The following FAM135A variants were observed in gnomAD, a reference collection of about 807,000 sequenced individuals.
FAM135A encodes protein FAM135A.
Under a neutral mutation model 146.8 loss-of-function variants are expected in FAM135A, and 79 were observed. The ratio of observed to expected loss-of-function variants is 0.54; its 90% CI spans 0.45 to 0.65. The LOEUF (loss-of-function observed/expected upper bound fraction) is 0.65. FAM135A is among the 30% of genes least tolerant of loss of function. The pLI, the probability that FAM135A is intolerant of heterozygous loss-of-function variation, is 0.00. For synonymous variants in FAM135A, 562 were observed against 603.6 expected (o/e 0.93, Z 1.01); for missense variants, 1,623 against 1,758.2 (o/e 0.92, Z 1.38).
chr6:70,480,909 G>T lies in FAM135A; in HGVS notation c.551G>T (p.Arg184Leu), dbSNP rs774736908. The T allele has an allele frequency of 6.2e-6, 10 of 1,608,530 alleles. No individual in the cohort carries two copies. The highest frequency in any genetic ancestry group is 1.7e-4 in the Middle Eastern group (1 of 6,046). The change falls in exon 9 of 22, where the codon CGC becomes CTC. Residue 184 changes from arginine (R) to leucine (L), a missense_variant. Coordinates refer to ENST00000418814, the MANE Select transcript of FAM135A (RefSeq NM_001162529.3). ...ALHQPLISFP[R>L]PVKTTWLNRN... ...AATACTTCTTCCTCCAGCTTTCCTC[G>T]CCCTGTGAAGACAACTTGGTTAAAT...
At position 70,520,305 on chromosome 6, in the gene FAM135A, G is replaced by A. The variant is rs1348704025; in HGVS notation, c.1030-2208G>A. 2.0e-5 allele frequency among the ~76,000 whole-genome samples: 3 copies of A among 152,024 alleles called. No individual in the cohort carries two copies. In the East Asian group the frequency reaches 5.8e-4, roughly 29 times the overall value. On this transcript the variant is annotated intron_variant, in intron 12 of 21. Coordinates refer to ENST00000418814, the MANE Select transcript of FAM135A (RefSeq NM_001162529.3). ...TAATTTTGCTATGAGTTAGTGCAAG[G>A]ACGTAAAAAACATTTGTTCAGTAAA...
intron 12 of FAM135A, among the ~76,000 whole-genome samples, chr6:70,512,528 C>T (rs1327201367): frequency 4.0e-5 from 6 of 151,530 alleles, no homozygotes; most frequent in African/African-American, 9.7e-5. Context: ...TGTTTGGTGT[C>T]GTCAGTCTTT....
intron 20 of FAM135A, among the ~76,000 whole-genome samples, chr6:70,542,554 G>C (rs1483988860): frequency 6.6e-6 from 1 of 152,046 alleles, no homozygotes; most frequent in Non-Finnish European, 1.5e-5. Flanking sequence ...GGTTTTTTGA[G>C]ACAGGGTCTC....
At chr6:70,467,910 C>T (rs536398636) in intron 5 of FAM135A, among the ~76,000 whole-genome samples, 57 of 151,824 alleles carry the variant, frequency 3.8e-4, no homozygotes, top group Non-Finnish European at 6.9e-4. Context: ...TTGTTTTAGT[C>T]TCTAACTTAA....
chr6:70,542,083 G>A (rs1398082142), intron 20 of FAM135A, among the ~76,000 whole-genome samples: 2 of 152,104 alleles, frequency 1.3e-5, no homozygotes, highest in African/African-American at 2.4e-5. Flanking sequence ...TGATCATCCA[G>A]TGAAGCCATA....
At chr6:70,499,574 G>A (rs753253230) in intron 11 of FAM135A, among the ~76,000 whole-genome samples, 1 of 152,072 alleles carries the variant, frequency 6.6e-6, no homozygotes, top group Non-Finnish European at 1.5e-5. Context: ...TCTTCATAGT[G>A]TCATTGGTCT....
chr6:70,455,983 C>T (rs1332567863), intron 5 of FAM135A, among the ~76,000 whole-genome samples: 1 of 152,156 alleles, frequency 6.6e-6, no homozygotes, highest in Non-Finnish European at 1.5e-5. Flanking sequence ...TCCCAAGTAG[C>T]TGGGACTACA....
intron 2 of FAM135A, chr6:70,417,525 A>T (rs1322865811): frequency 1.2e-6 from 1 of 831,326 alleles, no homozygotes; most frequent in Non-Finnish European, 1.5e-6. Context: ...AGTCTGGGAC[A>T]TTTCTGTTAA....
At chr6:70,425,996 G>A (rs900752517) in intron 2 of FAM135A, among the ~76,000 whole-genome samples, 1 of 151,940 alleles carries the variant, frequency 6.6e-6, no homozygotes. Flanking sequence ...CCAGCTACTC[G>A]GGAGGCTGAG....
At position 70,509,268 on chromosome 6, in the gene FAM135A, T is replaced by C. The variant is rs575367775; in HGVS notation, c.1029+6477T>C. On this transcript the variant is annotated intron_variant, in intron 12 of 21. Coordinates refer to ENST00000418814, the MANE Select transcript of FAM135A (RefSeq NM_001162529.3). ...GGGCAACATAGTGAGATCTTGTCTC[T>C]ATTAAAAAAAAAATTATGTCTTTCC... 2.6e-5 allele frequency among the ~76,000 whole-genome samples: 4 copies of C among 152,144 alleles called. No homozygotes were observed. In the East Asian group the frequency reaches 7.7e-4, roughly 29 times the overall value.
At chr6:70,448,803 T>C (rs1469031364) in intron 4 of FAM135A, among the ~76,000 whole-genome samples, 2 of 152,236 alleles carry the variant, frequency 1.3e-5, no homozygotes, top group Non-Finnish European at 2.9e-5. Context: ...TGGGTTTGGC[T>C]AGTTATCTGC....
chr6:70,440,686 A>C (rs1227895769), intron 4 of FAM135A, among the ~76,000 whole-genome samples: 1 of 152,196 alleles, frequency 6.6e-6, no homozygotes, highest in Non-Finnish European at 1.5e-5. Flanking sequence ...TTTTTTGTAC[A>C]TATAAAAAAT....
At chr6:70,487,743 A>G (rs1051684014) in intron 10 of FAM135A, among the ~76,000 whole-genome samples, 3 of 152,168 alleles carry the variant, frequency 2.0e-5, no homozygotes, top group Non-Finnish European at 4.4e-5. Flanking sequence ...AGCATTTTTT[A>G]GCAATTAAAA....
In FAM135A at chr6:70,560,103, TG is replaced by T; in HGVS notation, c.*184del. The T allele has an allele frequency of 3.9e-6, 2 of 518,144 alleles. No individual in the cohort carries two copies. The highest frequency in any genetic ancestry group is 6.6e-6 in the Non-Finnish European group (2 of 302,610). The allele number at this position is 518,144 out of a possible 1,614,324, so 32.1% of individuals were successfully genotyped here. A position where few individuals can be genotyped will look rare whatever the true frequency, so the allele number is the denominator to read the frequency against. On this transcript the variant is annotated 3_prime_UTR_variant, in exon 22 of 22. Transcript: ENST00000418814. ...CATCAACTTTACTTTCTAGGTAATG[TG>T]GCTGTGCAATATTTTTTTAATTTTA...
intron 21 of FAM135A, among the ~76,000 whole-genome samples, chr6:70,558,536 G>A (rs75713167): frequency 0.028 from 4,289 of 152,250 alleles, 148 homozygotes; most frequent in African/African-American, 0.079. Context: ...TTGTTTGGGC[G>A]CAGTGGCTCA....
intron 8 of FAM135A, among the ~76,000 whole-genome samples, chr6:70,480,115 A>G (rs796713164): frequency 4.6e-5 from 7 of 152,128 alleles, no homozygotes; most frequent in African/African-American, 1.7e-4. Context: ...CTTTATCTCA[A>G]ATATAATTGT....
chr6:70,526,600 T>A lies in FAM135A; in HGVS notation c.3516T>A (p.Ser1172Arg). ...GTAATGTTAAATATTCTTCCAAAAG[T>A]AAATTTGATGCCATTACAAAGCAGC... ...SPCNVKYSSKSKFDAITKQPS... is the reference protein window; with the variant it reads ...SPCNVKYSSKRKFDAITKQPS... Residue 1172 changes from serine to arginine, a missense_variant, in exon 15 of 22, where the codon AGT becomes AGA. Physicochemically the swap from Ser to Arg is moderately radical, Grantham distance 110. Transcript: ENST00000418814. 1 of 1,613,518 alleles carries A rather than the reference T, an allele frequency of 6.2e-7. No homozygotes were observed.
chr6:70,484,592 C>T (rs1443878554), intron 10 of FAM135A, among the ~76,000 whole-genome samples: 1 of 152,152 alleles, frequency 6.6e-6, no homozygotes, highest in Admixed American at 6.5e-5. Flanking sequence ...AACTATTCCA[C>T]CTCAGATCAT....
At chr6:70,527,497 G>A (rs1794985683) in intron 15 of FAM135A, among the ~76,000 whole-genome samples, 1 of 152,048 alleles carries the variant, frequency 6.6e-6, no homozygotes, top group Non-Finnish European at 1.5e-5. Context: ...GATATGCAGG[G>A]AAAATAAAGT....
Sources: allele counts gnomAD v4.1 joint callset (sites outside exome capture counted in the v4.1 genomes callset), GRCh38; gene constraint gnomAD v4.1.1; transcripts MANE v1.5; gene names NCBI Gene and HGNC (gene_info 2026-07-23, HGNC 2026-07-21).